LSAMP: variants seen among roughly 807,000 people sequenced by gnomAD.
LSAMP encodes the protein limbic system associated membrane protein, also known as limbic system-associated membrane protein.
In LSAMP, 7 loss-of-function variants were observed where a neutral mutation model predicts 38.6. The ratio of observed to expected loss-of-function variants is 0.18; its 90% CI spans 0.10 to 0.34. The LOEUF is 0.34. LSAMP is among the 10% of genes least tolerant of loss of function. The pLI is 1.00. For synonymous variants in LSAMP, 154 were observed against 166.8 expected, an observed-to-expected ratio of 0.92 and a Z score of 0.59; for missense variants, 313 against 420.0, an observed-to-expected ratio of 0.75 and a Z score of 2.23.
In LSAMP at chr3:116,426,882, C is replaced by T. The variant is rs1255524008; in HGVS notation, c.155+17995G>A. Among the ~76,000 whole-genome samples the T allele has an allele frequency of 1.9e-3, 238 of 124,496 alleles. 2 individuals carry two copies. Among genetic ancestry groups the T allele is most frequent in the Non-Finnish European group, 2.5e-4 (15 of 59,210 alleles). The allele number at this position is 124,496 out of a possible 152,430, so 81.7% of individuals were successfully genotyped here. A position where few individuals can be genotyped will look rare whatever the true frequency, so the allele number is the denominator to read the frequency against. On this transcript the variant is annotated intron_variant, in intron 1 of 6. Transcript: ENST00000490035. ...GGGAGTGTAATTATTATTATTAATA[C>T]TAATCTGCCTCAAGGTTAAAAAAAA... is the stretch of plus-strand genomic sequence containing the variant.
chr3:115,838,636 T>G (rs1256872154), intron 6 of LSAMP, among the ~76,000 whole-genome samples: 1 of 150,808 alleles, frequency 6.6e-6, no homozygotes, highest in Non-Finnish European at 1.5e-5. Flanking sequence ...GTGTGGATCT[T>G]TGACAAACAC....
intron 6 of LSAMP, among the ~76,000 whole-genome samples, chr3:115,823,321 A>C (rs993482558): frequency 3.3e-5 from 5 of 152,234 alleles, no homozygotes; most frequent in Non-Finnish European, 7.3e-5. Flanking sequence ...TGGCCCAGGT[A>C]GGAGGGCAGC....
At chr3:116,058,992 G>A (rs1576338629) in intron 2 of LSAMP, among the ~76,000 whole-genome samples, 1 of 151,750 alleles carries the variant, frequency 6.6e-6, no homozygotes, top group East Asian at 1.9e-4. Flanking sequence ...TGCTGTGCTA[G>A]ACATCATGGC....
intron 3 of LSAMP, among the ~76,000 whole-genome samples, chr3:115,996,501 G>A (rs974100236): frequency 6.6e-6 from 1 of 151,814 alleles, no homozygotes; most frequent in African/African-American, 2.4e-5. Flanking sequence ...CATGTAACAG[G>A]GATAAATGTA....
intron 1 of LSAMP, among the ~76,000 whole-genome samples, chr3:116,262,309 T>C (rs1291200402): frequency 1.3e-5 from 2 of 152,308 alleles, no homozygotes; most frequent in South Asian, 2.1e-4. Context: ...TATCAAGGAA[T>C]TGGAAATTGT....
Position 115,843,566 on chromosome 3 carries a change from C to T in LSAMP, c.650-988G>A, listed in dbSNP as rs150570833. Reference sequence around the variant, plus strand: ...TACACATGGGGAAAACAGACCCAGACACTCTGTTTAGACTCTGTAGAGGAA... The same window carrying T: ...TACACATGGGGAAAACAGACCCAGATACTCTGTTTAGACTCTGTAGAGGAA... On this transcript the variant is annotated intron_variant, in intron 4 of 6. Transcript: ENST00000490035. Among the ~76,000 whole-genome samples, 179 of 152,292 alleles carry T rather than the reference C, an allele frequency of 1.2e-3. 1 individual carries two copies. The highest frequency in any genetic ancestry group is 2.1e-3 in the Non-Finnish European group (144 of 68,034).
At chr3:115,902,639 T>A (rs973938798) in intron 3 of LSAMP, among the ~76,000 whole-genome samples, 1 of 152,094 alleles carries the variant, frequency 6.6e-6, no homozygotes, top group Non-Finnish European at 1.5e-5. Context: ...CTTAAAAAAA[T>A]TTATAAGAAA....
chr3:115,880,461 C>A (rs1936292238), intron 3 of LSAMP, among the ~76,000 whole-genome samples: 1 of 152,096 alleles, frequency 6.6e-6, no homozygotes. Context: ...TCAAAGGGCA[C>A]CAACAAATAT....
At chr3:116,137,124 G>A (rs1709268035) in intron 1 of LSAMP, among the ~76,000 whole-genome samples, 1 of 151,898 alleles carries the variant, frequency 6.6e-6, no homozygotes, top group African/African-American at 2.4e-5. Context: ...TTCTTCAGGT[G>A]GCCTTCTTCC....
rs1018760287 is a variant in LSAMP at position 115,807,995 on chromosome 3, C to T, written c.*2322G>A. 3 of 152,106 alleles carry T rather than the reference C, an allele frequency of 2.0e-5. 1 individual carries two copies. In the South Asian group the frequency reaches 6.2e-4, roughly 32 times the overall value. The allele number at this position is 152,106 out of a possible 1,614,324, so 9.4% of individuals were successfully genotyped here. A position where few individuals can be genotyped will look rare whatever the true frequency, so the allele number is the denominator to read the frequency against. On this transcript the variant is annotated 3_prime_UTR_variant, in exon 7 of 7. Coordinates refer to ENST00000490035, the MANE Select transcript of LSAMP (RefSeq NM_002338.5). ...CATGAAAGAAGGCTGTGATAAGCTTCTAAAACAAACAATAAAATCCCTTAG... is the reference window on the plus strand; with the variant it reads ...CATGAAAGAAGGCTGTGATAAGCTTTTAAAACAAACAATAAAATCCCTTAG...
At chr3:116,064,873 C>A (rs188117837) in intron 2 of LSAMP, among the ~76,000 whole-genome samples, 41 of 152,266 alleles carry the variant, frequency 2.7e-4, no homozygotes, top group Non-Finnish European at 3.4e-4. Flanking sequence ...ATGGTCTGAC[C>A]TTAGAACCTA....
chr3:116,033,151 AT>A (rs1440150789), intron 2 of LSAMP, among the ~76,000 whole-genome samples: 4 of 152,178 alleles, frequency 2.6e-5, no homozygotes, highest in African/African-American at 9.7e-5. Flanking sequence ...AATTAGATCC[AT>A]TTCTATGAGC....
At chr3:116,245,048 G>T (rs2046587297) in intron 1 of LSAMP, among the ~76,000 whole-genome samples, 1 of 152,160 alleles carries the variant, frequency 6.6e-6, no homozygotes, top group African/African-American at 2.4e-5. Context: ...TTCATCCTCA[G>T]TAGCTCAGAA....
At chr3:116,423,973 G>A (rs903664012) in intron 1 of LSAMP, among the ~76,000 whole-genome samples, 1 of 152,148 alleles carries the variant, frequency 6.6e-6, no homozygotes, top group Non-Finnish European at 1.5e-5. Context: ...TCTAAAACCA[G>A]AGTCTAGAAC....
At chr3:116,216,144 CTAAGTT>C (rs577817080) in intron 1 of LSAMP, among the ~76,000 whole-genome samples, 3 of 152,234 alleles carry the variant, frequency 2.0e-5, no homozygotes, top group African/African-American at 7.2e-5. Flanking sequence ...TGACAGAAAA[CTAAGTT>C]TAAGCCTCTT....
chr3:116,403,611 C>T (rs2048865648), intron 1 of LSAMP, among the ~76,000 whole-genome samples: 2 of 152,142 alleles, frequency 1.3e-5, no homozygotes, highest in African/African-American at 4.8e-5. Flanking sequence ...TCTGTGTGCT[C>T]TCAAAAATTT....
intron 1 of LSAMP, among the ~76,000 whole-genome samples, chr3:116,113,465 G>A (rs9813038): frequency 0.18 from 20,807 of 113,082 alleles, 1,746 homozygotes; most frequent in Middle Eastern, 0.23. Context: ...TCGCTCTGTC[G>A]CCCAGGCTGG....
intron 1 of LSAMP, among the ~76,000 whole-genome samples, chr3:116,347,749 C>T (rs1490034586): frequency 6.6e-6 from 1 of 152,004 alleles, no homozygotes; most frequent in East Asian, 1.9e-4. Context: ...AAGCCCACAG[C>T]CAACTTCAGC....
chr3:116,183,552 A>C (rs1200995178), intron 1 of LSAMP, among the ~76,000 whole-genome samples: 1 of 151,876 alleles, frequency 6.6e-6, no homozygotes, highest in Non-Finnish European at 1.5e-5. Flanking sequence ...ATTTTGAACA[A>C]GTTACTTTAC....
Sources: gnomAD v4.1 joint callset for allele counts (sites outside exome capture counted in the v4.1 genomes callset) on GRCh38, gnomAD v4.1.1 for gene constraint, MANE v1.5 for transcripts, NCBI Gene and HGNC (gene_info 2026-07-23, HGNC 2026-07-21) for gene names.